The following PCLO variants were observed in gnomAD, a reference collection of about 807,000 sequenced individuals.
PCLO encodes protein piccolo.
Under a neutral mutation model 427.5 loss-of-function variants are expected in PCLO, and 82 were observed. The ratio of observed to expected loss-of-function variants is 0.19; its 90% CI spans 0.16 to 0.23. The LOEUF is 0.23. PCLO is among the 10% of genes least tolerant of loss of function. PCLO has a pLI of 1.00. For missense variants in PCLO, 6,239 were observed against 6,115.9 expected (o/e 1.02, Z -0.67); for synonymous variants, 2,357 against 2,155.4 (o/e 1.09, Z -2.59).
intron 3 of PCLO, among the ~76,000 whole-genome samples, chr7:83,011,376 T>C (rs555095388): frequency 2.0e-5 from 3 of 152,212 alleles, no homozygotes; most frequent in African/African-American, 7.2e-5. Context: ...TTTTTTGTCA[T>C]TGTTTGATTA....
In PCLO at chr7:82,952,916, A is replaced by C. The variant is rs775904343; in HGVS notation, c.8037T>G (p.Val2679=). Reference sequence around the variant, plus strand: ...TAGGAGCTGTACTTCTGGTTGCTGAAACCTCAGTCTTGGAAACTTCAGTAG... The same window carrying C: ...TAGGAGCTGTACTTCTGGTTGCTGACACCTCAGTCTTGGAAACTTCAGTAG... ...FLTTEVSKTE[V]SATRSTAPSV... is the part of the protein sequence containing the mutation. Residue 2679 remains valine (V), a synonymous_variant, in exon 5 of 25, where the codon GTT becomes GTG. Coordinates refer to ENST00000333891, the MANE Select transcript of PCLO (RefSeq NM_033026.6). The C allele has an allele frequency of 1.2e-6, 2 of 1,613,898 alleles. No individual in the cohort carries two copies. The highest frequency in any genetic ancestry group is 2.2e-5 in the South Asian group (2 of 91,082).
chr7:82,978,894 A>T (rs927910243), intron 3 of PCLO, among the ~76,000 whole-genome samples: 3 of 128,562 alleles, frequency 2.3e-5, no homozygotes, highest in African/African-American at 5.7e-5. Flanking sequence ...ACACACACAC[A>T]CTCCACAAAA....
At position 82,894,640 on chromosome 7, in the gene PCLO, C is replaced by A. The variant is rs147021477; in HGVS notation, c.13528+8011G>T. On this transcript the variant is annotated intron_variant, in intron 9 of 24. Transcript: ENST00000333891. ...ATTCAAGATGACATTTGGGTAGGGA[C>A]ACAGCCAAACCATATCAAGTGGGAA... Among the ~76,000 whole-genome samples the A allele has an allele frequency of 5.8e-3, 882 of 152,180 alleles. 12 individuals are homozygous for A. Among genetic ancestry groups the A allele is most frequent in the African/African-American group, 0.02 (833 of 41,544 alleles).
chr7:83,037,558 A>G (rs573831372), intron 3 of PCLO, among the ~76,000 whole-genome samples: 46 of 152,000 alleles, frequency 3.0e-4, no homozygotes, highest in Non-Finnish European at 6.0e-4. Context: ...TTGGTCAGGA[A>G]TAGACTAAAA....
chr7:83,129,677 C>T (rs1166980268), intron 3 of PCLO, among the ~76,000 whole-genome samples: 1 of 152,030 alleles, frequency 6.6e-6, no homozygotes, highest in Non-Finnish European at 1.5e-5. Context: ...TGACAACAGC[C>T]TAAATCCTGA....
chr7:83,042,927 T>C (rs1789008531), intron 3 of PCLO, among the ~76,000 whole-genome samples: 1 of 152,128 alleles, frequency 6.6e-6, no homozygotes. Context: ...GCAGAATAGA[T>C]GACACAACCA....
At chr7:82,970,293 AT>A (rs1047307072) in intron 3 of PCLO, among the ~76,000 whole-genome samples, 1 of 152,042 alleles carries the variant, frequency 6.6e-6, no homozygotes, top group Non-Finnish European at 1.5e-5. Context: ...ATAACTAGAC[AT>A]TTTGTAGAAG....
At chr7:83,027,388 C>T (rs1583925758) in intron 3 of PCLO, among the ~76,000 whole-genome samples, 2 of 152,250 alleles carry the variant, frequency 1.3e-5, no homozygotes, top group East Asian at 3.9e-4. Flanking sequence ...CACGTACACT[C>T]TCCCAAGACT....
intron 1 of PCLO, among the ~76,000 whole-genome samples, chr7:83,158,471 A>C (rs906108546): frequency 6.6e-6 from 1 of 151,982 alleles, no homozygotes; most frequent in Non-Finnish European, 1.5e-5. Flanking sequence ...CATTTTATTT[A>C]AATAACTTCC....
intron 22 of PCLO, among the ~76,000 whole-genome samples, chr7:82,777,722 T>C (rs1331465119): frequency 6.6e-6 from 1 of 152,182 alleles, no homozygotes; most frequent in Non-Finnish European, 1.5e-5. Context: ...AGATTGAAAC[T>C]GGACCCCTTC....
chr7:82,848,332 A>ATTG (rs977004495), intron 10 of PCLO, among the ~76,000 whole-genome samples: 1 of 120,190 alleles, frequency 8.3e-6, no homozygotes, highest in African/African-American at 3.0e-5. Context: ...TTTTTTTTTA[A>ATTG]ACAGGTCCCA....
intron 20 of PCLO, 135 bp downstream of exon 20, chr7:82,822,360 C>T (rs1791814696): frequency 6.4e-7 from 1 of 1,554,882 alleles, no homozygotes; most frequent in Non-Finnish European, 8.7e-7. Flanking sequence ...ATCGTTCTTA[C>T]ACAGACAAAG....
At chr7:83,154,458 AAC>A (rs1792214655) in intron 2 of PCLO, among the ~76,000 whole-genome samples, 1 of 152,216 alleles carries the variant, frequency 6.6e-6, no homozygotes, top group African/African-American at 2.4e-5. Flanking sequence ...TATGCTAAAT[AAC>A]AGTGTGGGTC....
chr7:82,914,649 T>G (rs1259393909), intron 7 of PCLO, 37 bp downstream of exon 7: 2 of 1,600,622 alleles, frequency 1.2e-6, no homozygotes, highest in Non-Finnish European at 1.7e-6. Flanking sequence ...AGAGTTTGAG[T>G]TTTGAGAGTA....
Position 82,949,785 on chromosome 7 carries a change from T to C in PCLO, c.10803A>G (p.Ser3601=). 6.2e-7 allele frequency: 1 copy of C among 1,613,790 alleles called. No homozygotes were observed. Among genetic ancestry groups the C allele is most frequent in the South Asian group, 1.1e-5 (1 of 91,068 alleles). The change falls in exon 6 of 25, where the codon TCA becomes TCG. Residue 3601 remains serine, a synonymous_variant. Transcript: ENST00000333891. ...CTGTGGAATCTGCCCGGAGGTGAGA[T>C]GAATAACCAATCTCTAAAGGTGTTG... ...KRPTPLEIGY[S]SHLRADSTVQ... is the part of the protein sequence containing the mutation.
chr7:83,125,122 C>T (rs865934067), intron 3 of PCLO, among the ~76,000 whole-genome samples: 55 of 152,202 alleles, frequency 3.6e-4, no homozygotes, highest in African/African-American at 1.1e-3. Flanking sequence ...ACCTCCCAGC[C>T]GCCTGCCTTG....
At chr7:82,964,542 C>T (rs1795722467) in intron 4 of PCLO, among the ~76,000 whole-genome samples, 1 of 152,032 alleles carries the variant, frequency 6.6e-6, no homozygotes, top group Admixed American at 6.6e-5. Flanking sequence ...ATCATCTGGA[C>T]TTTGCAAAGA....
chr7:83,045,068 C>T (rs1253062527), intron 3 of PCLO, among the ~76,000 whole-genome samples: 1 of 152,108 alleles, frequency 6.6e-6, no homozygotes, highest in East Asian at 1.9e-4. Flanking sequence ...GAAAAGCAGA[C>T]ATTTCATCTG....
intron 3 of PCLO, among the ~76,000 whole-genome samples, chr7:83,027,321 C>T (rs994263118): frequency 4.7e-4 from 72 of 151,768 alleles, no homozygotes; most frequent in African/African-American, 1.3e-3. Context: ...GAGAATACTA[C>T]AAACACCTCT....
Sources: allele counts gnomAD v4.1 joint callset (sites outside exome capture counted in the v4.1 genomes callset), GRCh38; gene constraint gnomAD v4.1.1; transcripts MANE v1.5; gene names NCBI Gene and HGNC (gene_info 2026-07-23, HGNC 2026-07-21).